The following BBS9 variants were observed in gnomAD, a reference collection of about 807,000 sequenced individuals.
BBS9 encodes protein PTHB1.
In BBS9, 89 loss-of-function variants were observed where a neutral mutation model predicts 117.7. The ratio of observed to expected loss-of-function variants is 0.76; its 90% CI spans 0.64 to 0.90. BBS9 has a LOEUF of 0.90. Ranked by LOEUF, BBS9 falls within the 40% of genes least tolerant of loss-of-function variation. BBS9 has a pLI of 0.00. For synonymous variants in BBS9, 379 were observed against 370.9 expected (o/e 1.02, Z -0.25); for missense variants, 982 against 1,042.2 (o/e 0.94, Z 0.80).
At chr7:33,333,918 G>A (rs1814702139) in intron 9 of BBS9, among the ~76,000 whole-genome samples, 1 of 150,984 alleles carries the variant, frequency 6.6e-6, no homozygotes, top group Admixed American at 6.6e-5. Flanking sequence ...AGCCTATAAT[G>A]TCTTTTGCAA....
At chr7:33,479,880 G>A (rs1339502830) in intron 19 of BBS9, among the ~76,000 whole-genome samples, 4 of 152,086 alleles carry the variant, frequency 2.6e-5, no homozygotes, top group African/African-American at 9.7e-5. Context: ...TCTGAGAAGT[G>A]TCTGTTCATG....
chr7:33,429,444 A>C (rs1359109124), intron 19 of BBS9, among the ~76,000 whole-genome samples: 1 of 152,182 alleles, frequency 6.6e-6, no homozygotes, highest in Non-Finnish European at 1.5e-5. Context: ...AAGAACACTG[A>C]AAGCATTTAA....
chr7:33,575,960 G>C (rs964369196), intron 21 of BBS9, among the ~76,000 whole-genome samples: 2 of 152,094 alleles, frequency 1.3e-5, no homozygotes, highest in African/African-American at 4.8e-5. Flanking sequence ...TACTGAATGG[G>C]CAAAAACTGG....
At chr7:33,315,099 G>T (rs1053755683) in intron 9 of BBS9, among the ~76,000 whole-genome samples, 1 of 152,174 alleles carries the variant, frequency 6.6e-6, no homozygotes, top group Non-Finnish European at 1.5e-5. Context: ...GTTTCCTAGG[G>T]CTGCTGTAAC....
At chr7:33,291,621 A>G (rs1194648918) in intron 9 of BBS9, among the ~76,000 whole-genome samples, 2 of 152,144 alleles carry the variant, frequency 1.3e-5, no homozygotes. Context: ...GTTTTGGGAA[A>G]TCTCATTCTT....
At chr7:33,168,723 A>G (rs1364675385) in intron 4 of BBS9, among the ~76,000 whole-genome samples, 3 of 152,126 alleles carry the variant, frequency 2.0e-5, no homozygotes, top group Non-Finnish European at 2.9e-5. Flanking sequence ...TTTGAAACCT[A>G]TAAGAAACCT....
chr7:33,304,134 T>A (rs548285462), intron 9 of BBS9, among the ~76,000 whole-genome samples: 1 of 138,472 alleles, frequency 7.2e-6, no homozygotes, highest in Non-Finnish European at 1.5e-5. Context: ...GTCTGGGAAG[T>A]GAGGAGCACC....
At chr7:33,517,624 T>G (rs917518305) in intron 20 of BBS9, among the ~76,000 whole-genome samples, 5 of 152,252 alleles carry the variant, frequency 3.3e-5, no homozygotes, top group Non-Finnish European at 1.5e-5. Context: ...CCATTGGCAC[T>G]TCTTGGCTCT....
chr7:33,388,266 C>G (rs1314093224), intron 19 of BBS9, 122 bp downstream of exon 19: 5 of 1,224,732 alleles, frequency 4.1e-6, no homozygotes, highest in Admixed American at 3.6e-5. Flanking sequence ...GAACAGTGAA[C>G]AGTGCACAAG....
intron 1 of BBS9, among the ~76,000 whole-genome samples, chr7:33,132,562 TTAACTA>T (rs1789791118): frequency 1.3e-5 from 2 of 152,228 alleles, no homozygotes; most frequent in African/African-American, 4.8e-5. Context: ...TTCAAGACAG[TTAACTA>T]AACTGAATTA....
intron 21 of BBS9, among the ~76,000 whole-genome samples, chr7:33,604,317 A>T (rs1422325609): frequency 6.6e-6 from 1 of 152,194 alleles, no homozygotes; most frequent in African/African-American, 2.4e-5. Context: ...TCCACAATGC[A>T]GTTCATGACT....
intron 21 of BBS9, among the ~76,000 whole-genome samples, chr7:33,564,708 AAATGT>A (rs1313707760): frequency 6.6e-6 from 1 of 152,204 alleles, no homozygotes; most frequent in East Asian, 1.9e-4. Context: ...AAAGAGGTGA[AAATGT>A]AATGTGTGCT....
chr7:33,387,945 G>GT (rs750110469), intron 18 of BBS9, 47 bp from the exon 19 acceptor site: 2 of 1,590,682 alleles, frequency 1.3e-6, no homozygotes, highest in Non-Finnish European at 1.7e-6. Context: ...CTTTAAAGAT[G>GT]TTTTTTGTGT....
At chr7:33,424,459 TG>T (rs2128864344) in intron 19 of BBS9, among the ~76,000 whole-genome samples, 1 of 152,292 alleles carries the variant, frequency 6.6e-6, no homozygotes, top group East Asian at 1.9e-4. Context: ...CGAGAAGAGA[TG>T]TTTTTTTTAA....
intron 6 of BBS9, among the ~76,000 whole-genome samples, chr7:33,260,532 G>C (rs940755304): frequency 3.3e-5 from 5 of 152,120 alleles, no homozygotes; most frequent in African/African-American, 1.2e-4. Flanking sequence ...AGGTTCTTGA[G>C]AGAAGAATCT....
At chr7:33,337,350 A>G (rs1815594157) in intron 10 of BBS9, among the ~76,000 whole-genome samples, 1 of 152,082 alleles carries the variant, frequency 6.6e-6, no homozygotes. Flanking sequence ...GTGAAAAAAT[A>G]TGGACTATTT....
intron 4 of BBS9, among the ~76,000 whole-genome samples, chr7:33,164,834 G>A (rs12538476): frequency 0.19 from 28,442 of 152,066 alleles, 3,538 homozygotes; most frequent in Admixed American, 0.34. Context: ...TTACATTTAA[G>A]GTTAATATTG....
intron 19 of BBS9, among the ~76,000 whole-genome samples, chr7:33,409,539 C>A (rs1830720692): frequency 6.6e-6 from 1 of 152,174 alleles, no homozygotes; most frequent in African/African-American, 2.4e-5. Flanking sequence ...CAGTACCCTG[C>A]TGTTTTGGTT....
intron 19 of BBS9, among the ~76,000 whole-genome samples, chr7:33,419,058 A>G (rs1265757320): frequency 3.3e-5 from 5 of 151,936 alleles, no homozygotes; most frequent in Non-Finnish European, 5.9e-5. Flanking sequence ...TTTGTTCTGC[A>G]TTCCATTAAA....
Sources: allele counts gnomAD v4.1 joint callset (sites outside exome capture counted in the v4.1 genomes callset), GRCh38; gene constraint gnomAD v4.1.1; transcripts MANE v1.5; gene names NCBI Gene and HGNC (gene_info 2026-07-23, HGNC 2026-07-21).